The following APLP1 variants were observed in gnomAD, a reference collection of about 807,000 sequenced individuals.
The protein encoded by APLP1 is amyloid beta (A4) precursor-like protein 1.
A neutral mutation model predicts 84.5 loss-of-function variants in APLP1; 46 were observed. That is an observed-to-expected ratio of 0.54 (90% CI 0.43 to 0.70). The LOEUF (loss-of-function observed/expected upper bound fraction) is 0.70, where lower values mean the gene tolerates loss of function less well. Ranked by LOEUF, APLP1 falls within the 30% of genes least tolerant of loss-of-function variation. The probability of loss-of-function intolerance (pLI) is 0.00; values close to 1 mark genes in which losing one functional copy is unlikely to be tolerated. For missense variants in APLP1, 826 were observed against 900.2 expected, an observed-to-expected ratio of 0.92 and a Z score of 1.05; for synonymous variants, 376 against 364.0, an observed-to-expected ratio of 1.03 and a Z score of -0.38.
Position 35,878,591 on chromosome 19 carries a change from A to G in APLP1, c.1587A>G (p.Thr529=). The G allele has an allele frequency of 6.2e-7, 1 of 1,614,104 alleles. No homozygotes were observed. The highest frequency in any genetic ancestry group is 8.5e-7 in the Non-Finnish European group (1 of 1,179,998). ...GATCAGACTTGGGGGTAGGGTCCAC[A>G]GAACAAGATGCTGCATCCCCTGAGA... ...DTPMTLPKGS[T]EQDAASPEKE... is the part of the protein sequence containing the mutation. Residue 529 remains threonine, a synonymous_variant, in exon 14 of 17, where the codon ACA becomes ACG. Transcript: ENST00000221891.
Position 35,879,403 on chromosome 19 carries a change from G to A in APLP1, c.1918G>A (p.Glu640Lys). The change falls in exon 17 of 17, where the codon GAG becomes AAG. Residue 640 changes from glutamate (E) to lysine (K), a missense_variant. By Grantham distance (56) the Glu-to-Lys change is moderately conservative. Around this residue, in one of 3 missense-constraint regions of APLP1, gnomAD observed 433 missense variants for 496.5 expected, o/e 0.87. Coordinates refer to ENST00000221891, the MANE Select transcript of APLP1 (RefSeq NM_001024807.3). Reference sequence around the variant, plus strand: ...CCGCGAACTGCAGCGGCACGGCTATGAGAACCCCACTTACCGCTTCCTGGA... The same window carrying A: ...CCGCGAACTGCAGCGGCACGGCTATAAGAACCCCACTTACCGCTTCCTGGA... ...QLRELQRHGY[E>K]NPTYRFLEER... The A allele has an allele frequency of 6.2e-7, 1 of 1,613,816 alleles. No homozygotes were observed. Among genetic ancestry groups the A allele is most frequent in the Non-Finnish European group, 8.5e-7 (1 of 1,180,020 alleles).
At position 35,871,258 on chromosome 19, in the gene APLP1, C is replaced by A. The variant is rs200445460; in HGVS notation, c.446C>A (p.Ala149Asp). 4.0e-5 allele frequency: 64 copies of A among 1,613,346 alleles called. No homozygotes were observed. Among genetic ancestry groups the A allele is most frequent in the Non-Finnish European group, 4.7e-5 (56 of 1,179,784 alleles). Reference sequence around the variant, plus strand: ...CCAGCTGGTGAATTTGTGAGTGAGGCCCTGCTGGTGCCTGAAGGCTGCCGG... The same window carrying A: ...CCAGCTGGTGAATTTGTGAGTGAGGACCTGCTGGTGCCTGAAGGCTGCCGG... ...RCLPGEFVSE[A>D]LLVPEGCRFL... Residue 149 changes from alanine (A) to aspartate (D), a missense_variant, in exon 4 of 17, where the codon GCC becomes GAC. Transcript: ENST00000221891.
At chr19:35,871,095 C>G in intron 3 of APLP1, 67 bp downstream of exon 3, 1 of 1,501,570 alleles carries the variant, frequency 6.7e-7, no homozygotes, top group South Asian at 1.3e-5. Context: ...CTGAGCCCCT[C>G]TCTCAGGCCT....
chr19:35,877,623 T>C (rs1210485372), intron 11 of APLP1, 95 bp from the exon 12 acceptor site: 5 of 773,976 alleles, frequency 6.5e-6, no homozygotes, highest in Admixed American at 5.8e-5. Context: ...CTGACTCTGC[T>C]GTCTGCATGA....
In APLP1 at chr19:35,874,676, G is replaced by T. The variant is rs373918691; in HGVS notation, c.1215+14G>T. On this transcript the variant is annotated intron_variant, in intron 9 of 16. Transcript: ENST00000221891. This position sits in a 1 kb window ranked among gnomAD's most constrained non-coding sequence, Gnocchi z 6.4. The stretch of plus-strand genomic sequence containing the variant: ...GATCCGCCTCAGGTGCGGGGACCGT[G>T]GGGGCAGAGAGCAGAGGGTGAGAAG... The T allele has an allele frequency of 2.5e-6, 4 of 1,613,342 alleles. No homozygotes were observed. Among genetic ancestry groups the T allele is most frequent in the East Asian group, 2.2e-5 (1 of 44,868 alleles).
intron 1 of APLP1, 190 bp from the exon 2 acceptor site, chr19:35,869,475 AGC>A: frequency 1.3e-6 from 1 of 766,238 alleles, no homozygotes; most frequent in Non-Finnish European, 2.1e-6. Flanking sequence ...AGGTCGCCAT[AGC>A]AACGGGAGCG....
intron 13 of APLP1, 124 bp from the exon 14 acceptor site, chr19:35,878,460 C>T: frequency 1.1e-6 from 1 of 939,358 alleles, no homozygotes; most frequent in Non-Finnish European, 1.7e-6. Context: ...GTAGAAGGAT[C>T]ACTGGAGCCC....
intron 11 of APLP1, among the ~76,000 whole-genome samples, chr19:35,877,498 A>C (rs1428085253): frequency 6.7e-6 from 1 of 149,300 alleles, no homozygotes; most frequent in Non-Finnish European, 1.5e-5. Context: ...CAAAAAAAAA[A>C]AAACAAAAAA....
chr19:35,871,403 T>G (rs938946839), intron 4 of APLP1, 54 bp downstream of exon 4: 1 of 1,452,836 alleles, frequency 6.9e-7, no homozygotes. Context: ...AACTGGGACC[T>G]CTAACACCCT....
At chr19:35,870,757 C>G in intron 2 of APLP1, 139 bp from the exon 3 acceptor site, 1 of 1,257,854 alleles carries the variant, frequency 8.0e-7, no homozygotes, top group South Asian at 1.5e-5. Context: ...CCACTCCAGC[C>G]TGGGCGACAA....
At chr19:35,870,083 G>T in intron 2 of APLP1, 3 of 512,292 alleles carry the variant, frequency 5.9e-6, no homozygotes, top group Non-Finnish European at 3.4e-6. Flanking sequence ...AAGGATAGGC[G>T]GGGCTAAGAC....
Position 35,878,088 on chromosome 19 carries a change from C to G in APLP1, c.1559C>G (p.Thr520Ser). Residue 520 changes from threonine (T) to serine (S), a missense_variant, in exon 13 of 17, where the codon ACC becomes AGC. Transcript: ENST00000221891. ...TGCTTCCTCTGGCTGCCAGCAGACA[C>G]CCCCATGACCCTTCCAAAAGGTGAG... ...LQPPDSKDADTPMTLPKGSTE... is the reference protein window; with the variant it reads ...LQPPDSKDADSPMTLPKGSTE... 1.2e-6 allele frequency: 2 copies of G among 1,612,636 alleles called. No individual in the cohort carries two copies. Among genetic ancestry groups the G allele is most frequent in the South Asian group, 2.2e-5 (2 of 90,868 alleles).
At position 35,876,428 on chromosome 19, in the gene APLP1, C is replaced by T. The variant is rs1163715160; in HGVS notation, c.1345-89C>T. On this transcript the variant is annotated intron_variant, in intron 10 of 16. Transcript: ENST00000221891. Reference sequence around the variant, plus strand: ...ATTGCATGTGCCGCTTTTCCTCAGTCGCTATTGAATTCCTCCTTCATACTG... The same window carrying T: ...ATTGCATGTGCCGCTTTTCCTCAGTTGCTATTGAATTCCTCCTTCATACTG... 63 of 1,134,860 alleles carry T rather than the reference C, an allele frequency of 5.6e-5. No homozygotes were observed. The South Asian group carries it at 5.8e-4, about 10-fold the overall frequency. The allele number at this position is 1,134,860 out of a possible 1,614,324, so 70.3% of individuals were successfully genotyped here. A position where few individuals can be genotyped will look rare whatever the true frequency, so the allele number is the denominator to read the frequency against.
chr19:35,872,795 G>A (rs1311421405), intron 7 of APLP1, among the ~76,000 whole-genome samples, 182 bp downstream of exon 7: 1 of 151,180 alleles, frequency 6.6e-6, no homozygotes, highest in East Asian at 1.9e-4. Flanking sequence ...CCACTGAGAC[G>A]CTACCAGGTT....
chr19:35,876,027 G>C (rs1249656100), intron 10 of APLP1, among the ~76,000 whole-genome samples: 1 of 152,082 alleles, frequency 6.6e-6, no homozygotes, highest in Non-Finnish European at 1.5e-5. Flanking sequence ...TGCCTACCTC[G>C]GCCTCCCAAA....
At chr19:35,878,223 C>A in intron 13 of APLP1, 115 bp downstream of exon 13, 1 of 1,158,182 alleles carries the variant, frequency 8.6e-7, no homozygotes, top group South Asian at 1.5e-5. Flanking sequence ...GTTTGATGTA[C>A]TTTCCAGCCC....
chr19:35,871,039 G>C lies in APLP1; in HGVS notation c.424+11G>C. 6.6e-7 allele frequency: 1 copy of C among 1,514,882 alleles called. No homozygotes were observed. Among genetic ancestry groups the C allele is most frequent in the Non-Finnish European group, 8.8e-7 (1 of 1,130,074 alleles). 93.8% of individuals were successfully genotyped at this position (1,514,882 alleles called of 1,614,324 possible). A position where few individuals can be genotyped will look rare whatever the true frequency, so the allele number is the denominator to read the frequency against. ...CCTTCCGCTGCCTGCGTGAGTCCCAGGCGGGGAGAGGGGAACTGAGGTGGG... is the reference window on the plus strand; with the variant it reads ...CCTTCCGCTGCCTGCGTGAGTCCCACGCGGGGAGAGGGGAACTGAGGTGGG... On this transcript the variant is annotated intron_variant, in intron 3 of 16. Transcript: ENST00000221891.
chr19:35,869,513 C>A, intron 1 of APLP1, 154 bp from the exon 2 acceptor site: 2 of 1,068,334 alleles, frequency 1.9e-6, no homozygotes, highest in Non-Finnish European at 2.8e-6. Context: ...CCTACGGGAG[C>A]TGTTTCCCAG....
Position 35,874,406 on chromosome 19 carries a change from G to GC in APLP1, c.1057-92dup, listed in dbSNP as rs921990530. 6.9e-7 allele frequency: 1 copy of GC among 1,459,098 alleles called. No individual in the cohort carries two copies. The allele number at this position is 1,459,098 out of a possible 1,614,324, so 90.4% of individuals were successfully genotyped here. On this transcript the variant is annotated intron_variant, in intron 8 of 16. Transcript: ENST00000221891. This position sits in a 1 kb window ranked among gnomAD's most constrained non-coding sequence, Gnocchi z 6.4. ...CTGCCCAGGCCTGGACCCCTGGAAC[G>GC]CCCCCCAACCCCATGTAGCCCTGCC...
Sources: gnomAD v4.1 joint callset for allele counts (sites outside exome capture counted in the v4.1 genomes callset) on GRCh38, gnomAD v4.1.1 for gene constraint, gnomAD v4.1.1 regional missense constraint, Gnocchi (gnomAD v3.1) non-coding constraint, MANE v1.5 for transcripts, NCBI Gene and HGNC (gene_info 2026-07-23, HGNC 2026-07-21) for gene names.